The following STON2 variants were observed in gnomAD, a reference collection of about 807,000 sequenced individuals.
STON2 encodes the protein stonin-2.
A neutral mutation model predicts 65.7 loss-of-function variants in STON2; 29 were observed. The observed-to-expected ratio is 0.44, with a 90% CI of 0.33 to 0.60. The LOEUF is 0.60. Ranked by LOEUF, STON2 falls within the 20% of genes least tolerant of loss-of-function variation. The pLI is 0.03. For missense variants in STON2, 1,054 were observed against 1,118.1 expected (o/e 0.94, Z 0.82); for synonymous variants, 404 against 414.2 (o/e 0.98, Z 0.30).
chr14:81,375,305 C>T (rs1023382911), intron 3 of STON2, among the ~76,000 whole-genome samples: 1 of 151,708 alleles, frequency 6.6e-6, no homozygotes, highest in Non-Finnish European at 1.5e-5. Flanking sequence ...GTTGAATTAA[C>T]AAATGAAATT....
In STON2 at chr14:81,396,750, ATT is replaced by A. The variant is rs5810027; in HGVS notation, c.89-574_89-573del. 2.6e-5 allele frequency among the ~76,000 whole-genome samples: 3 copies of A among 117,064 alleles called. No individual in the cohort carries two copies. In the Admixed American group the frequency reaches 2.6e-4, roughly 10 times the overall value. 76.8% of individuals were successfully genotyped at this position (117,064 alleles called of 152,430 possible). On this transcript the variant is annotated intron_variant, in intron 2 of 7. Coordinates refer to ENST00000614646, the MANE Select transcript of STON2 (RefSeq NM_001394390.1). ...CCAGAAAATTAAACAGCCTTCAAAA[ATT>A]TTTTTTTTGGAAATTAAAAAACCTG...
chr14:81,275,197 G>A (rs756806684), intron 6 of STON2, among the ~76,000 whole-genome samples: 6 of 152,082 alleles, frequency 3.9e-5, no homozygotes, highest in Non-Finnish European at 8.8e-5. Flanking sequence ...AAATCACTTT[G>A]AAACAAATAG....
intron 2 of STON2, among the ~76,000 whole-genome samples, chr14:81,406,753 T>C (rs937156459): frequency 6.6e-6 from 1 of 152,146 alleles, no homozygotes; most frequent in East Asian, 1.9e-4. Context: ...AGTATCTTTG[T>C]CCCATTCTCA....
chr14:81,366,956 G>A (rs755872387), intron 4 of STON2, among the ~76,000 whole-genome samples: 10 of 152,090 alleles, frequency 6.6e-5, no homozygotes, highest in Middle Eastern at 3.2e-3. Context: ...CTGAAGAAAT[G>A]ACTTACCCGG....
chr14:81,416,779 C>T (rs1901457586), intron 2 of STON2, among the ~76,000 whole-genome samples: 1 of 152,188 alleles, frequency 6.6e-6, no homozygotes. Flanking sequence ...AAAACCATAT[C>T]GAAGGGAGTC....
chr14:81,279,383 C>T (rs1187018700), intron 5 of STON2, among the ~76,000 whole-genome samples: 1 of 152,152 alleles, frequency 6.6e-6, no homozygotes, highest in African/African-American at 2.4e-5. Context: ...TGAAAAATAT[C>T]GAATCTCACT....
chr14:81,427,430 G>A (rs34922883), intron 1 of STON2: 8,906 of 152,154 alleles, frequency 0.059, 418 homozygotes, highest in African/African-American at 0.12. Context: ...TCTGATATGC[G>A]ACAGCAAACA....
intron 1 of STON2, among the ~76,000 whole-genome samples, chr14:81,435,398 T>C (rs561753414): frequency 3.3e-5 from 5 of 152,162 alleles, no homozygotes; most frequent in Admixed American, 1.3e-4. Flanking sequence ...ATTTATTGAG[T>C]GCTTAGCGCT....
intron 5 of STON2, among the ~76,000 whole-genome samples, chr14:81,309,563 T>C (rs1896343682): frequency 6.6e-6 from 1 of 152,224 alleles, no homozygotes; most frequent in Non-Finnish European, 1.5e-5. Context: ...AATCTGATCC[T>C]TCCTTGGAAT....
intron 4 of STON2, among the ~76,000 whole-genome samples, chr14:81,369,062 T>C (rs1898868990): frequency 6.6e-6 from 1 of 152,178 alleles, no homozygotes. Context: ...TGGGAATTTA[T>C]TCCTCCCTAT....
At chr14:81,309,603 G>A (rs992663430) in intron 5 of STON2, among the ~76,000 whole-genome samples, 10 of 152,084 alleles carry the variant, frequency 6.6e-5, no homozygotes, top group Non-Finnish European at 8.8e-5. Context: ...GTTTCACTAC[G>A]AAACACTCTA....
intron 4 of STON2, among the ~76,000 whole-genome samples, chr14:81,350,485 A>G (rs898011536): frequency 4.0e-5 from 6 of 151,892 alleles, no homozygotes; most frequent in South Asian, 2.1e-4. Context: ...AGAAGAAGAA[A>G]AAAAAAAAAA....
At chr14:81,294,422 G>A (rs1350537695) in intron 5 of STON2, among the ~76,000 whole-genome samples, 1 of 152,122 alleles carries the variant, frequency 6.6e-6, no homozygotes, top group Non-Finnish European at 1.5e-5. Context: ...CACGGACTAT[G>A]GCTCCATGCT....
intron 1 of STON2, among the ~76,000 whole-genome samples, chr14:81,434,617 G>A (rs552388180): frequency 1.3e-5 from 2 of 152,288 alleles, no homozygotes; most frequent in South Asian, 4.1e-4. Context: ...GGGATAGGGG[G>A]TAGTATGGTG....
intron 4 of STON2, among the ~76,000 whole-genome samples, chr14:81,324,471 T>A (rs1896936623): frequency 6.6e-6 from 1 of 152,266 alleles, no homozygotes; most frequent in Non-Finnish European, 1.5e-5. Context: ...TTAGCACACA[T>A]CCTTTTGCAT....
At chr14:81,378,129 A>G (rs558257506) in intron 3 of STON2, among the ~76,000 whole-genome samples, 2 of 152,114 alleles carry the variant, frequency 1.3e-5, no homozygotes, top group East Asian at 3.9e-4. Context: ...TACAGGCATG[A>G]GCCACCACAC....
intron 4 of STON2, among the ~76,000 whole-genome samples, chr14:81,364,572 A>C (rs758373835): frequency 2.0e-5 from 3 of 152,206 alleles, no homozygotes; most frequent in Non-Finnish European, 4.4e-5. Context: ...TAGGCAGTAG[A>C]GATTAATGAA....
At chr14:81,342,908 C>T (rs1017690128) in intron 4 of STON2, among the ~76,000 whole-genome samples, 1 of 152,150 alleles carries the variant, frequency 6.6e-6, no homozygotes, top group African/African-American at 2.4e-5. Flanking sequence ...GAAATCCGCA[C>T]TGGAAATGTC....
intron 2 of STON2, among the ~76,000 whole-genome samples, chr14:81,425,291 T>C (rs1006473815): frequency 6.6e-6 from 1 of 152,194 alleles, no homozygotes. Context: ...TAGAGAAGAC[T>C]GAGCTTGGTG....
Sources: gnomAD v4.1 joint callset for allele counts (sites outside exome capture counted in the v4.1 genomes callset) on GRCh38, gnomAD v4.1.1 for gene constraint, MANE v1.5 for transcripts, NCBI Gene and HGNC (gene_info 2026-07-23, HGNC 2026-07-21) for gene names.